Variants in SLC44A2 observed in about 807,000 individuals in gnomAD.
SLC44A2 encodes choline transporter-like protein 2.
Under a neutral mutation model 90.8 loss-of-function variants are expected in SLC44A2, and 57 were observed. The ratio of observed to expected loss-of-function variants is 0.63; its 90% confidence interval spans 0.51 to 0.78. SLC44A2 has a LOEUF of 0.78. Ranked by LOEUF, SLC44A2 falls within the 30% of genes least tolerant of loss-of-function variation. The pLI, the probability that SLC44A2 is intolerant of heterozygous loss-of-function variation, is 0.00. For synonymous variants in SLC44A2, 355 were observed against 360.7 expected, an observed-to-expected ratio of 0.98 and a Z score of 0.18; for missense variants, 794 against 919.7, an observed-to-expected ratio of 0.86 and a Z score of 1.77.
chr19:10,632,685 T>G (rs937267103), intron 10 of SLC44A2, among the ~76,000 whole-genome samples: 6 of 151,964 alleles, frequency 3.9e-5, no homozygotes, highest in African/African-American at 1.4e-4. Context: ...TTCTTTTTTT[T>G]TTTTGAGACG....
At chr19:10,607,006 G>T (rs1327846346) in intron 1 of SLC44A2, among the ~76,000 whole-genome samples, 1 of 150,088 alleles carries the variant, frequency 6.7e-6, no homozygotes, top group Non-Finnish European at 1.5e-5. Flanking sequence ...CCGCCTCCCG[G>T]GTTCACGCCA....
chr19:10,617,070 C>T (rs1180609082), intron 1 of SLC44A2, among the ~76,000 whole-genome samples: 2 of 151,978 alleles, frequency 1.3e-5, no homozygotes, highest in African/African-American at 4.8e-5. Flanking sequence ...TACAGGCTCT[C>T]GCCACCACGC....
At chr19:10,639,650 A>AT (rs1232317181) in intron 20 of SLC44A2, among the ~76,000 whole-genome samples, 1 of 152,160 alleles carries the variant, frequency 6.6e-6, no homozygotes, top group Non-Finnish European at 1.5e-5. Flanking sequence ...AGGCTGAGGC[A>AT]GGTGGATCAC....
intron 15 of SLC44A2, 29 bp downstream of exon 15, chr19:10,636,614 T>C (rs781271575): frequency 6.2e-7 from 1 of 1,605,354 alleles, no homozygotes; most frequent in Non-Finnish European, 8.5e-7. Flanking sequence ...CAGGATGGGG[T>C]GGAGGACGAG....
intron 16 of SLC44A2, 119 bp from the exon 17 acceptor site, chr19:10,637,523 CTT>C (rs2067070871): frequency 1.1e-6 from 1 of 873,082 alleles, no homozygotes; most frequent in South Asian, 1.5e-5. Context: ...GTCCCTGTCT[CTT>C]TGACAGCGTG....
intron 20 of SLC44A2, 58 bp from the exon 21 acceptor site, chr19:10,642,309 G>A: frequency 2.8e-6 from 4 of 1,446,372 alleles, no homozygotes; most frequent in Non-Finnish European, 3.9e-6. Context: ...GGACTCAGGG[G>A]GTGGGGGCTG....
Position 10,631,622 on chromosome 19 carries a change from G to A in SLC44A2, c.503-4G>A, listed in dbSNP as rs778903653. 18 of 1,613,736 alleles carry A rather than the reference G, an allele frequency of 1.1e-5. No individual in the cohort carries two copies. In the African/African-American group the frequency reaches 2.4e-4, roughly 22 times the overall value. ...TGACTGGTGCCATCCTCTGCTCCATGCAGTGGCCCGGAGATGCTTCCCCGC... is the reference window on the plus strand; with the variant it reads ...TGACTGGTGCCATCCTCTGCTCCATACAGTGGCCCGGAGATGCTTCCCCGC... On this transcript the variant is annotated splice_region_variant and splice_polypyrimidine_tract_variant and intron_variant, in intron 7 of 21. Transcript: ENST00000335757.
At chr19:10,617,502 T>A (rs2066865130) in intron 1 of SLC44A2, among the ~76,000 whole-genome samples, 1 of 152,084 alleles carries the variant, frequency 6.6e-6, no homozygotes, top group South Asian at 2.1e-4. Flanking sequence ...TAACTCAAGT[T>A]CACACAGCTA....
chr19:10,628,077 C>CTT, intron 4 of SLC44A2, 73 bp downstream of exon 4: 1 of 1,368,762 alleles, frequency 7.3e-7, no homozygotes, highest in Non-Finnish European at 1.0e-6. Flanking sequence ...CCCCATCTCT[C>CTT]TAAGTCCAGT....
rs34527261 is a variant in SLC44A2, at chr19:10,626,580, A to ATT, written c.86+293_86+294dup. Among the ~76,000 whole-genome samples the ATT allele has an allele frequency of 3.9e-3, 539 of 138,332 alleles. 2 individuals carry two copies. Among genetic ancestry groups the ATT allele is most frequent in the African/African-American group, 6.9e-3 (258 of 37,470 alleles). The allele number at this position is 138,332 out of a possible 152,430, so 90.8% of individuals were successfully genotyped here. ...AGGCTTGCACCACCACACCTGGCTA[A>ATT]TTTTTTTTTTTTTTTGTACTTTTAG... On this transcript the variant is annotated intron_variant, in intron 2 of 21. Transcript: ENST00000335757.
intron 1 of SLC44A2, among the ~76,000 whole-genome samples, chr19:10,611,438 T>C (rs920633151): frequency 5.1e-4 from 77 of 151,174 alleles, no homozygotes; most frequent in African/African-American, 1.8e-3. Context: ...GGCAAGAGAG[T>C]GAGACACTAT....
rs577988820 is a variant in SLC44A2, at chr19:10,605,312, C to T, written c.31+2751C>T. Among the ~76,000 whole-genome samples, 14 of 152,070 alleles carry T rather than the reference C, an allele frequency of 9.2e-5. No homozygotes were observed. The South Asian group carries it at 2.1e-3, about 23-fold the overall frequency. Reference sequence around the variant, plus strand: ...GGTGGATCACCTGAGGTCGGGAGTTCGAGACCAGCCTGACCAACATGGTGA... The same window carrying T: ...GGTGGATCACCTGAGGTCGGGAGTTTGAGACCAGCCTGACCAACATGGTGA... On this transcript the variant is annotated intron_variant, in intron 1 of 21. Transcript: ENST00000407327.
At chr19:10,612,204 C>CA (rs376661857) in intron 1 of SLC44A2, among the ~76,000 whole-genome samples, 2,718 of 151,530 alleles carry the variant, frequency 0.018, 79 homozygotes, top group African/African-American at 0.062. Context: ...CCTGTTTCTG[C>CA]AAAACAAAAA....
chr19:10,642,548 C>A, intron 21 of SLC44A2, 97 bp downstream of exon 21: 1 of 1,107,986 alleles, frequency 9.0e-7, no homozygotes, highest in Non-Finnish European at 1.4e-6. Context: ...GCTTGCCTGC[C>A]CCCAGCTTCC....
chr19:10,617,059 C>T (rs2066860974), intron 1 of SLC44A2, among the ~76,000 whole-genome samples: 1 of 152,130 alleles, frequency 6.6e-6, no homozygotes, highest in South Asian at 2.1e-4. Context: ...GTAGCTGAGA[C>T]TACAGGCTCT....
rs183320093 is a variant in SLC44A2, at chr19:10,617,739, A to C, written c.32-8514A>C. ...TTTCTGAGCCTCGGTTCTCTCTCCT[A>C]TAAAATGGGTTGATGAAATGGCCTC... On this transcript the variant is annotated intron_variant, in intron 1 of 21. Transcript: ENST00000407327. Among the ~76,000 whole-genome samples, 436 of 152,256 alleles carry C rather than the reference A, an allele frequency of 2.9e-3. 1 individual carries two copies. Among genetic ancestry groups the C allele is most frequent in the Non-Finnish European group, 4.8e-3 (327 of 68,018 alleles).
chr19:10,629,936 G>A (rs560599357), intron 4 of SLC44A2, among the ~76,000 whole-genome samples: 2 of 151,938 alleles, frequency 1.3e-5, no homozygotes, highest in South Asian at 4.2e-4. Context: ...TGTATTTTTA[G>A]TACAGACGGG....
intron 1 of SLC44A2, among the ~76,000 whole-genome samples, chr19:10,617,332 C>T (rs1368225716): frequency 6.6e-6 from 1 of 152,134 alleles, no homozygotes; most frequent in Non-Finnish European, 1.5e-5. Flanking sequence ...CTGTTCCCCT[C>T]CCTTCGTCCC....
intron 4 of SLC44A2, 68 bp from the exon 5 acceptor site, chr19:10,630,989 G>C (rs1185474852): frequency 3.2e-6 from 4 of 1,247,670 alleles, no homozygotes; most frequent in Admixed American, 3.8e-5. Flanking sequence ...TGGGCAACAA[G>C]AGCGAGACTC....
Sources: gnomAD v4.1 joint callset for allele counts (sites outside exome capture counted in the v4.1 genomes callset) on GRCh38, gnomAD v4.1.1 for gene constraint, MANE v1.5 for transcripts, NCBI Gene and HGNC (gene_info 2026-07-23, HGNC 2026-07-21) for gene names.